The following DOCK1 variants were observed in gnomAD, a reference collection of about 807,000 sequenced individuals.
DOCK1 encodes dedicator of cytokinesis 1.
Under a neutral mutation model 262.7 loss-of-function variants are expected in DOCK1, and 138 were observed. The ratio of observed to expected loss-of-function variants is 0.53; its 90% CI spans 0.46 to 0.61. The LOEUF is 0.61. Among genes scored for constraint, DOCK1 ranks in the 20% least tolerant of loss-of-function variants. DOCK1 has a pLI of 0.00. For missense variants in DOCK1, 1,908 were observed against 2,370.7 expected, an observed-to-expected ratio of 0.80 and a Z score of 4.05; for synonymous variants, 866 against 867.4, an observed-to-expected ratio of 1.00 and a Z score of 0.03.
At chr10:126,912,204 G>A (rs574883070) in intron 1 of DOCK1, among the ~76,000 whole-genome samples, 3 of 152,098 alleles carry the variant, frequency 2.0e-5, no homozygotes, top group South Asian at 4.2e-4. Context: ...TGAGGTGGGC[G>A]GGTCACCTGA....
chr10:127,367,531 CA>C (rs1297884253), intron 33 of DOCK1, among the ~76,000 whole-genome samples: 3 of 152,200 alleles, frequency 2.0e-5, no homozygotes, highest in African/African-American at 7.2e-5. Flanking sequence ...TGAAGCTCCA[CA>C]AAAGGCTCCA....
chr10:126,906,214 G>C (rs899028406), intron 1 of DOCK1, among the ~76,000 whole-genome samples: 2 of 152,220 alleles, frequency 1.3e-5, no homozygotes, highest in African/African-American at 4.8e-5. Flanking sequence ...GCGGGGGCCT[G>C]TTTTTGCTCC....
chr10:126,960,202 T>C (rs1180177152), intron 1 of DOCK1, among the ~76,000 whole-genome samples: 1 of 152,066 alleles, frequency 6.6e-6, no homozygotes, highest in Non-Finnish European at 1.5e-5. Flanking sequence ...ATTCACTCAG[T>C]GAGCATTTGT....
chr10:127,113,357 C>G (rs984612699), intron 25 of DOCK1, among the ~76,000 whole-genome samples: 1 of 152,176 alleles, frequency 6.6e-6, no homozygotes, highest in Non-Finnish European at 1.5e-5. Flanking sequence ...TTCGTGGGGG[C>G]TCCCTGGGTG....
chr10:127,023,845 C>T (rs1163175246), intron 14 of DOCK1, among the ~76,000 whole-genome samples: 1 of 152,054 alleles, frequency 6.6e-6, no homozygotes, highest in African/African-American at 2.4e-5. Context: ...AGTACAGATA[C>T]CATTGTTACG....
intron 28 of DOCK1, 45 bp from the exon 29 acceptor site, chr10:127,257,290 C>A: frequency 6.7e-7 from 1 of 1,481,526 alleles, no homozygotes; most frequent in Non-Finnish European, 9.2e-7. Context: ...TCATGTTTAC[C>A]TTTTTCTTTG....
intron 27 of DOCK1, chr10:127,135,881 A>T (rs971804500): frequency 1.3e-5 from 2 of 152,672 alleles, no homozygotes; most frequent in Non-Finnish European, 2.9e-5. Flanking sequence ...TTCTTAAAAC[A>T]TAAGGAGAGA....
chr10:127,056,749 T>C (rs2045182138), intron 22 of DOCK1, among the ~76,000 whole-genome samples: 1 of 152,180 alleles, frequency 6.6e-6, no homozygotes, highest in African/African-American at 2.4e-5. Flanking sequence ...CCTGGCTGCC[T>C]ACCCTCATTC....
intron 1 of DOCK1, among the ~76,000 whole-genome samples, chr10:126,932,317 C>T (rs1408181513): frequency 6.6e-6 from 1 of 152,250 alleles, no homozygotes; most frequent in African/African-American, 2.4e-5. Flanking sequence ...TGAGGCAGGA[C>T]GATTATGAGT....
intron 27 of DOCK1, among the ~76,000 whole-genome samples, chr10:127,173,475 G>A (rs548193981): frequency 1.5e-4 from 23 of 152,208 alleles, no homozygotes; most frequent in African/African-American, 5.3e-4. Flanking sequence ...TATATCGTAC[G>A]GTTTTCCTTT....
chr10:127,023,120 A>G (rs1022654905), intron 13 of DOCK1, 80 bp from the exon 14 acceptor site: 36 of 1,457,420 alleles, frequency 2.5e-5, no homozygotes, highest in Admixed American at 1.9e-4. Flanking sequence ...CTATGAGGAT[A>G]GGTAGACAGT....
intron 29 of DOCK1, among the ~76,000 whole-genome samples, chr10:127,336,557 T>C (rs2063201334): frequency 6.6e-6 from 1 of 151,864 alleles, no homozygotes; most frequent in Non-Finnish European, 1.5e-5. Context: ...TTTTTTTAAT[T>C]TGAGACAAGT....
intron 38 of DOCK1, among the ~76,000 whole-genome samples, chr10:127,393,482 C>T (rs1331904252): frequency 6.6e-6 from 1 of 152,172 alleles, no homozygotes; most frequent in Non-Finnish European, 1.5e-5. Flanking sequence ...GAATCCAGGA[C>T]AAGCTTGCCT....
intron 27 of DOCK1, among the ~76,000 whole-genome samples, chr10:127,187,599 C>T (rs1430071848): frequency 6.6e-6 from 1 of 152,042 alleles, no homozygotes; most frequent in Admixed American, 6.6e-5. Context: ...CAGGGGGTGG[C>T]TGTCCTCCTA....
chr10:127,001,293 G>C (rs2040579093), intron 10 of DOCK1: 1 of 152,086 alleles, frequency 6.6e-6, no homozygotes, highest in South Asian at 2.1e-4. Flanking sequence ...CATCCCCCCT[G>C]CCTTTTAAAT....
In DOCK1 at chr10:127,444,214, C is replaced by T. The variant is rs771076657; in HGVS notation, c.5348C>T (p.Pro1783Leu). 10 of 1,611,180 alleles carry T rather than the reference C, an allele frequency of 6.2e-6. No individual in the cohort carries two copies. The highest frequency in any genetic ancestry group is 5.4e-5 in the African/African-American group (4 of 74,622). ...ERRFSVSPSS[P>L]SSQQTPPPVT... Reference sequence around the variant, plus strand: ...CGCTTCTCGGTGTCCCCCTCGTCACCGTCCTCCCAGCAAACACCCCCTCCA... The same window carrying T: ...CGCTTCTCGGTGTCCCCCTCGTCACTGTCCTCCCAGCAAACACCCCCTCCA... The change falls in exon 50 of 52, where the codon CCG (proline) becomes CTG (leucine). Residue 1783 changes from proline (P) to leucine (L), a missense_variant. Pro to Leu is a moderately conservative substitution (Grantham distance 98). Coordinates refer to ENST00000623213, the MANE Select transcript of DOCK1 (RefSeq NM_001290223.2).
At chr10:127,235,515 A>G (rs1468908158) in intron 27 of DOCK1, among the ~76,000 whole-genome samples, 2 of 152,048 alleles carry the variant, frequency 1.3e-5, no homozygotes, top group Non-Finnish European at 2.9e-5. Context: ...GCCATAATTT[A>G]TTTGTTTATT....
intron 27 of DOCK1, among the ~76,000 whole-genome samples, chr10:127,159,098 C>G (rs370615648): frequency 6.6e-6 from 1 of 152,176 alleles, no homozygotes; most frequent in East Asian, 1.9e-4. Context: ...ATAGACTCTG[C>G]GACAGTGCAT....
intron 29 of DOCK1, among the ~76,000 whole-genome samples, chr10:127,322,259 G>A (rs5000134): frequency 0.4 from 58,481 of 147,044 alleles, 12,221 homozygotes; most frequent in Admixed American, 0.47. Flanking sequence ...GTGTGATCTC[G>A]GCTCACTGCA....
Sources: allele counts gnomAD v4.1 joint callset (sites outside exome capture counted in the v4.1 genomes callset), GRCh38; gene constraint gnomAD v4.1.1; transcripts MANE v1.5; gene names NCBI Gene and HGNC (gene_info 2026-07-23, HGNC 2026-07-21).